Variants in SPATA18 observed in about 807,000 individuals in gnomAD.
SPATA18 encodes spermatogenesis associated 18.
A neutral mutation model predicts 68.1 loss-of-function variants in SPATA18; 54 were observed. The observed-to-expected ratio is 0.79, with a 90% CI of 0.64 to 0.99. SPATA18 has a LOEUF of 0.99. Ranked by LOEUF, SPATA18 falls within the 50% of genes least tolerant of loss-of-function variation. SPATA18 has a pLI of 0.00. For synonymous variants in SPATA18, 242 were observed against 244.8 expected (o/e 0.99, Z 0.11); for missense variants, 724 against 681.1 (o/e 1.06, Z -0.70).
intron 1 of SPATA18, 122 bp downstream of exon 1, chr4:52,051,913 C>T: frequency 4.7e-6 from 4 of 846,668 alleles, no homozygotes; most frequent in Non-Finnish European, 5.9e-6. Flanking sequence ...GTTGCGATTC[C>T]TAACCAGGAT....
chr4:52,094,924 A>G lies in SPATA18; in HGVS notation c.*37A>G, dbSNP rs571763515. 6.2e-7 allele frequency: 1 copy of G among 1,613,834 alleles called. No individual in the cohort carries two copies. The highest frequency in any genetic ancestry group is 1.7e-5 in the Admixed American group (1 of 60,006). On this transcript the variant is annotated 3_prime_UTR_variant, in exon 13 of 13. Transcript: ENST00000295213. The stretch of plus-strand genomic sequence containing the variant: ...CTGCTCCTTTGACCCAGTGCGTGGA[A>G]ACAGCTGCTTTCTCCAGTGCCGCCA...
chr4:52,058,989 A>G (rs1738598823), intron 1 of SPATA18, among the ~76,000 whole-genome samples: 1 of 152,222 alleles, frequency 6.6e-6, no homozygotes, highest in Non-Finnish European at 1.5e-5. Flanking sequence ...CCTGGCATAT[A>G]GGAGAGATAT....
intron 11 of SPATA18, among the ~76,000 whole-genome samples, chr4:52,087,837 T>C (rs1006453851): frequency 6.6e-6 from 1 of 152,196 alleles, no homozygotes; most frequent in African/African-American, 2.4e-5. Context: ...GGAGATAGCA[T>C]TGAATCTATA....
chr4:52,071,156 T>C (rs1030001358), intron 5 of SPATA18, among the ~76,000 whole-genome samples: 27 of 152,214 alleles, frequency 1.8e-4, no homozygotes, highest in African/African-American at 6.0e-4. Context: ...CATTCTATTA[T>C]ATCTTTAGCT....
At position 52,077,047 on chromosome 4, in the gene SPATA18, G is replaced by A. The variant is rs757105537; in HGVS notation, c.1020+7G>A. 1 of 1,589,564 alleles carries A rather than the reference G, an allele frequency of 6.3e-7. No individual in the cohort carries two copies. Among genetic ancestry groups the A allele is most frequent in the East Asian group, 2.3e-5 (1 of 43,564 alleles). On this transcript the variant is annotated splice_region_variant and intron_variant, in intron 7 of 12. Transcript: ENST00000295213. ...CATCTACATCGCCACAGTGGTATGT[G>A]ACGCCTGCGGGACTCCCGGCTCCTT...
At chr4:52,057,153 A>G (rs1339757653) in intron 1 of SPATA18, among the ~76,000 whole-genome samples, 2 of 150,742 alleles carry the variant, frequency 1.3e-5, no homozygotes, top group Admixed American at 1.3e-4. Flanking sequence ...TCACTTCCCC[A>G]TCTAATTAGT....
At chr4:52,080,033 C>A in intron 9 of SPATA18, 114 bp downstream of exon 9, 2 of 1,176,674 alleles carry the variant, frequency 1.7e-6, no homozygotes, top group Non-Finnish European at 2.4e-6. Context: ...ACAGACACTA[C>A]CTGATTTTCA....
chr4:52,075,525 C>G (rs908537299), intron 6 of SPATA18, among the ~76,000 whole-genome samples: 2 of 152,074 alleles, frequency 1.3e-5, no homozygotes, highest in African/African-American at 4.8e-5. Context: ...AAATGTATGG[C>G]CAGAATTGAT....
chr4:52,065,184 C>A (rs1659794195), intron 4 of SPATA18, among the ~76,000 whole-genome samples: 2 of 151,828 alleles, frequency 1.3e-5, no homozygotes, highest in Admixed American at 6.6e-5. Context: ...TTGTCAAATG[C>A]ATAGTTTGTG....
chr4:52,066,070 T>G (rs1192269841), intron 4 of SPATA18, among the ~76,000 whole-genome samples: 1 of 152,194 alleles, frequency 6.6e-6, no homozygotes, highest in Non-Finnish European at 1.5e-5. Context: ...GCTTCCCCAC[T>G]TCCATTCTTG....
At chr4:52,091,205 T>A (rs1741915418) in intron 11 of SPATA18, among the ~76,000 whole-genome samples, 1 of 152,072 alleles carries the variant, frequency 6.6e-6, no homozygotes, top group South Asian at 2.1e-4. Flanking sequence ...TTTTCAAGGT[T>A]CTTAGCTTCC....
chr4:52,065,271 G>T (rs1461226914), intron 4 of SPATA18, among the ~76,000 whole-genome samples: 1 of 152,018 alleles, frequency 6.6e-6, no homozygotes, highest in Non-Finnish European at 1.5e-5. Context: ...TGTTTCTTCT[G>T]CTGTGCAGAA....
chr4:52,061,832 C>T (rs560120498), intron 3 of SPATA18, among the ~76,000 whole-genome samples: 17 of 152,116 alleles, frequency 1.1e-4, no homozygotes, highest in African/African-American at 1.9e-4. Context: ...AATTTATGGA[C>T]GCTTCTCAGG....
At chr4:52,057,427 T>A (rs1005234601) in intron 1 of SPATA18, among the ~76,000 whole-genome samples, 2 of 152,192 alleles carry the variant, frequency 1.3e-5, no homozygotes, top group African/African-American at 4.8e-5. Flanking sequence ...TGCAGCATGT[T>A]GTAACATGTC....
rs1170683091 is a variant in SPATA18, at chr4:52,095,369, G to A, written c.*482G>A. The A allele has an allele frequency of 6.3e-6, 1 of 158,316 alleles. No individual in the cohort carries two copies. Among genetic ancestry groups the A allele is most frequent in the Admixed American group, 6.3e-5 (1 of 15,932 alleles). The allele number at this position is 158,316 out of a possible 1,614,324, so 9.8% of individuals were successfully genotyped here. A position where few individuals can be genotyped will look rare whatever the true frequency, so the allele number is the denominator to read the frequency against. On this transcript the variant is annotated 3_prime_UTR_variant, in exon 13 of 13. Transcript: ENST00000295213. ...TTTAATTTCCTTTTAAGGTTTGGAA[G>A]ACAGCCCTAATCTCAGGTTGGGGAG...
chr4:52,085,022 T>C (rs1305014189), intron 11 of SPATA18, 23 bp downstream of exon 11: 2 of 1,572,596 alleles, frequency 1.3e-6, no homozygotes, highest in Admixed American at 1.8e-5. Context: ...CTAATCATTT[T>C]TACACAAAAT....
chr4:52,085,047 C>CTTTT, intron 11 of SPATA18, 48 bp downstream of exon 11: 1 of 1,148,044 alleles, frequency 8.7e-7, no homozygotes, highest in South Asian at 1.4e-5. Flanking sequence ...CTATGGTTGG[C>CTTTT]TTTTTTTTTT....
intron 4 of SPATA18, among the ~76,000 whole-genome samples, chr4:52,063,503 G>A (rs1739066695): frequency 6.6e-6 from 1 of 152,064 alleles, no homozygotes; most frequent in Non-Finnish European, 1.5e-5. Context: ...CATGCAAAAA[G>A]CATAAAATAT....
Position 52,051,543 on chromosome 4 carries a change from C to A in SPATA18, c.-162C>A. On this transcript the variant is annotated 5_prime_UTR_variant, in exon 1 of 13. Transcript: ENST00000295213. ...CTCCCCTCTGGCTTCCCGAACCCGG[C>A]CAGGTCCGACCCGAGGGGGAGGATG... is the stretch of plus-strand genomic sequence containing the variant. 1.4e-6 allele frequency: 1 copy of A among 700,034 alleles called. No homozygotes were observed. The highest frequency in any genetic ancestry group is 2.5e-6 in the Non-Finnish European group (1 of 406,158). 43.4% of individuals were successfully genotyped at this position (700,034 alleles called of 1,614,324 possible).
Sources: allele counts gnomAD v4.1 joint callset (sites outside exome capture counted in the v4.1 genomes callset), GRCh38; gene constraint gnomAD v4.1.1; transcripts MANE v1.5; gene names NCBI Gene and HGNC (gene_info 2026-07-23, HGNC 2026-07-21).